Variants in SLC1A1 observed in about 807,000 individuals in gnomAD.
The protein encoded by SLC1A1 is solute carrier family 1 member 1, also known as excitatory amino acid transporter 3.
SLC1A1 carries 43 observed loss-of-function variants against 53.3 expected under a neutral mutation model. That is an observed-to-expected ratio of 0.81 (90% confidence interval 0.63 to 1.04). SLC1A1 has a LOEUF of 1.04. Among genes scored for constraint, SLC1A1 ranks in the 50% least tolerant of loss-of-function variants. The probability of loss-of-function intolerance (pLI) is 0.00; values close to 1 mark genes in which losing one functional copy is unlikely to be tolerated. For missense variants in SLC1A1, 748 were observed against 664.9 expected (o/e 1.12, Z -1.37); for synonymous variants, 307 against 243.2 (o/e 1.26, Z -2.44).
intron 1 of SLC1A1, among the ~76,000 whole-genome samples, chr9:4,512,128 G>T (rs1368967919): frequency 6.6e-6 from 1 of 152,180 alleles, no homozygotes; most frequent in Non-Finnish European, 1.5e-5. Flanking sequence ...AATGATGTCA[G>T]TTCTCCCATA....
In SLC1A1 at chr9:4,585,649, G is replaced by A. The variant is rs1350731193; in HGVS notation, c.*91G>A. On this transcript the variant is annotated 3_prime_UTR_variant, in exon 12 of 12. Transcript: ENST00000262352. ...CTTAAGGAAAAGAGAAACACTAATG[G>A]CCAAGTGTACATTTGATTTGATATA... 1 of 1,460,736 alleles carries A rather than the reference G, an allele frequency of 6.8e-7. No individual in the cohort carries two copies. The highest frequency in any genetic ancestry group is 1.7e-5 in the Admixed American group (1 of 59,448). 90.5% of individuals were successfully genotyped at this position (1,460,736 alleles called of 1,614,324 possible). A position where few individuals can be genotyped will look rare whatever the true frequency, so the allele number is the denominator to read the frequency against.
At chr9:4,516,569 C>G (rs937785434) in intron 1 of SLC1A1, among the ~76,000 whole-genome samples, 2 of 152,178 alleles carry the variant, frequency 1.3e-5, no homozygotes, top group African/African-American at 4.8e-5. Context: ...TGATGAAGTT[C>G]CTTCCCAACT....
At chr9:4,498,576 C>A (rs1324000372) in intron 1 of SLC1A1, among the ~76,000 whole-genome samples, 2 of 151,862 alleles carry the variant, frequency 1.3e-5, no homozygotes, top group Non-Finnish European at 2.9e-5. Flanking sequence ...ATAATGGGGA[C>A]TTTTGCTTTC....
At chr9:4,582,030 G>A (rs186065675) in intron 10 of SLC1A1, among the ~76,000 whole-genome samples, 6 of 152,236 alleles carry the variant, frequency 3.9e-5, no homozygotes, top group South Asian at 2.1e-4. Flanking sequence ...AGTGGAACCC[G>A]GGCAACAGTT....
At chr9:4,509,648 G>T (rs1820929487) in intron 1 of SLC1A1, among the ~76,000 whole-genome samples, 2 of 152,100 alleles carry the variant, frequency 1.3e-5, no homozygotes, top group African/African-American at 4.8e-5. Context: ...CAAAACCAGA[G>T]GCAAGGAACC....
At chr9:4,566,005 C>G (rs926904826) in intron 4 of SLC1A1, 42 bp from the exon 5 acceptor site, 1 of 1,476,762 alleles carries the variant, frequency 6.8e-7, no homozygotes, top group Non-Finnish European at 9.5e-7. Context: ...CAAAACAATA[C>G]TTTTTGCCCT....
At chr9:4,562,966 T>G (rs2129685077) in intron 3 of SLC1A1, among the ~76,000 whole-genome samples, 1 of 84,764 alleles carries the variant, frequency 1.2e-5, no homozygotes, top group Admixed American at 1.6e-4. Flanking sequence ...TGGGGACTGT[T>G]GTGGGGTGGG....
intron 2 of SLC1A1, among the ~76,000 whole-genome samples, chr9:4,546,065 G>A (rs754769830): frequency 6.6e-6 from 1 of 152,094 alleles, no homozygotes; most frequent in African/African-American, 2.4e-5. Context: ...GTGGGGGCAC[G>A]GGAGGGTGGG....
At chr9:4,540,435 T>C (rs968319365) in intron 1 of SLC1A1, among the ~76,000 whole-genome samples, 3 of 152,108 alleles carry the variant, frequency 2.0e-5, no homozygotes, top group Middle Eastern at 3.2e-3. Flanking sequence ...AACTGTCTCA[T>C]GCAAAAAGGC....
chr9:4,573,576 T>C (rs930457884), intron 7 of SLC1A1, among the ~76,000 whole-genome samples: 2 of 152,124 alleles, frequency 1.3e-5, no homozygotes, highest in African/African-American at 2.4e-5. Context: ...TCAAGTGAGA[T>C]CTGCAGATAG....
chr9:4,504,039 C>A (rs531661273), intron 1 of SLC1A1, among the ~76,000 whole-genome samples: 1 of 152,146 alleles, frequency 6.6e-6, no homozygotes, highest in Non-Finnish European at 1.5e-5. Context: ...AGTTTTGAAG[C>A]CATTTTATTG....
intron 2 of SLC1A1, among the ~76,000 whole-genome samples, chr9:4,547,464 G>A (rs1364739224): frequency 1.3e-5 from 2 of 152,148 alleles, no homozygotes; most frequent in Non-Finnish European, 2.9e-5. Flanking sequence ...AAGCAGGGTG[G>A]GGACAATGAT....
At chr9:4,534,011 T>C (rs180837070) in intron 1 of SLC1A1, among the ~76,000 whole-genome samples, 2 of 152,106 alleles carry the variant, frequency 1.3e-5, no homozygotes, top group East Asian at 1.9e-4. Context: ...TTGAAACCAA[T>C]GAGAACAAAG....
At chr9:4,566,118 T>G (rs751000055) in intron 5 of SLC1A1, 29 bp downstream of exon 5, 2 of 1,576,016 alleles carry the variant, frequency 1.3e-6, no homozygotes, top group Non-Finnish European at 8.7e-7. Flanking sequence ...GCCCTTAACT[T>G]GCTACCCTCT....
Position 4,546,428 on chromosome 9 carries a change from G to GA in SLC1A1, c.232+1732dup, listed in dbSNP as rs900860124. On this transcript the variant is annotated intron_variant, in intron 2 of 11. Coordinates refer to ENST00000262352, the MANE Select transcript of SLC1A1 (RefSeq NM_004170.6). ...AATATCCAAATTGCTGGCTTTCTCT[G>GA]AAAAAAAAAAATGAAGATCTGGGAA... Among the ~76,000 whole-genome samples the GA allele has an allele frequency of 1.4e-3, 196 of 145,002 alleles. 1 individual carries two copies. The Middle Eastern group carries it at 0.014, about 11-fold the overall frequency.
In SLC1A1 at chr9:4,553,364, C is replaced by CTTTTT. The variant is rs33971780; in HGVS notation, c.233-8068_233-8064dup. ...GAAACCAGGACACAGCCCACCGCTT[C>CTTTTT]TTTTTTTTTTTTTTTTTTTTTGACA... On this transcript the variant is annotated intron_variant, in intron 2 of 11. Coordinates refer to ENST00000262352, the MANE Select transcript of SLC1A1 (RefSeq NM_004170.6). 1.8e-3 allele frequency: 196 copies of CTTTTT among 110,018 alleles called. 6 individuals are homozygous for CTTTTT. The highest frequency in any genetic ancestry group is 2.5e-3 in the Non-Finnish European group (142 of 57,646). 6.8% of individuals were successfully genotyped at this position (110,018 alleles called of 1,614,324 possible).
chr9:4,514,907 C>T (rs925583815), intron 1 of SLC1A1, among the ~76,000 whole-genome samples: 4 of 152,086 alleles, frequency 2.6e-5, no homozygotes, highest in Admixed American at 2.6e-4. Flanking sequence ...CTTTACATTA[C>T]ATTACATTAC....
chr9:4,582,070 C>T (rs938830727), intron 10 of SLC1A1, among the ~76,000 whole-genome samples: 2 of 152,208 alleles, frequency 1.3e-5, no homozygotes, highest in Non-Finnish European at 2.9e-5. Flanking sequence ...AAGGACTTGT[C>T]TCCAGAAAGC....
chr9:4,490,916 G>T, intron 1 of SLC1A1, 146 bp downstream of exon 1: 1 of 665,992 alleles, frequency 1.5e-6, no homozygotes, highest in Non-Finnish European at 2.6e-6. Flanking sequence ...GGCCCCCTGC[G>T]GGGGCTTTCC....
Sources: allele counts gnomAD v4.1 joint callset (sites outside exome capture counted in the v4.1 genomes callset), GRCh38; gene constraint gnomAD v4.1.1; transcripts MANE v1.5; gene names NCBI Gene and HGNC (gene_info 2026-07-23, HGNC 2026-07-21).